The following CRYBB1 variants were observed in gnomAD, a reference collection of about 807,000 sequenced individuals.
CRYBB1 encodes the protein beta-crystallin B1.
Under a neutral mutation model 29.5 loss-of-function variants are expected in CRYBB1, and 16 were observed. That is an observed-to-expected ratio of 0.54 (90% CI 0.37 to 0.82). CRYBB1 has a LOEUF of 0.82. Ranked by LOEUF, CRYBB1 falls within the 40% of genes least tolerant of loss-of-function variation. The pLI, the probability that CRYBB1 is intolerant of heterozygous loss-of-function variation, is 0.00. For missense variants in CRYBB1, 300 were observed against 350.5 expected, an observed-to-expected ratio of 0.86 and a Z score of 1.15; for synonymous variants, 127 against 136.7, an observed-to-expected ratio of 0.93 and a Z score of 0.49.
At chr22:26,617,319 T>C (rs1929389656) in intron 1 of CRYBB1, among the ~76,000 whole-genome samples, 1 of 152,168 alleles carries the variant, frequency 6.6e-6, no homozygotes, top group Non-Finnish European at 1.5e-5. Context: ...TTGGAGACAA[T>C]GTTAAGGGAT....
At chr22:26,600,107 A>C (rs1289368044) in intron 5 of CRYBB1, among the ~76,000 whole-genome samples, 2 of 152,192 alleles carry the variant, frequency 1.3e-5, no homozygotes, top group African/African-American at 4.8e-5. Flanking sequence ...TATTTCAAAA[A>C]ATTGGTTTTC....
intron 1 of CRYBB1, 56 bp downstream of exon 1, chr22:26,617,921 C>A: frequency 6.5e-6 from 1 of 153,654 alleles, no homozygotes; most frequent in Non-Finnish European, 1.5e-5. Flanking sequence ...CTCTCTGTCT[C>A]CCTTTTCTCT....
Position 26,608,317 on chromosome 22 carries a change from CTG to C in CRYBB1, c.300-298_300-297del, listed in dbSNP as rs1451503671. ...AAATGTGTGTGATTATCTGAGCACA[CTG>C]TTTCTCTAGATGTAAGGTTCATACA... On this transcript the variant is annotated intron_variant, in intron 3 of 5. Coordinates refer to ENST00000647684, the MANE Select transcript of CRYBB1 (RefSeq NM_001887.4). Among the ~76,000 whole-genome samples the C allele has an allele frequency of 3.3e-5, 5 of 152,344 alleles. No homozygotes were observed. In the East Asian group the frequency reaches 9.7e-4, roughly 29 times the overall value.
At chr22:26,602,125 C>T in intron 4 of CRYBB1, 104 bp from the exon 5 acceptor site, 3 of 1,457,768 alleles carry the variant, frequency 2.1e-6, no homozygotes, top group East Asian at 2.3e-5. Context: ...TGAGCCTGTT[C>T]AGGCTGCTGG....
At chr22:26,615,433 C>T (rs1475259620) in intron 2 of CRYBB1, among the ~76,000 whole-genome samples, 1 of 152,190 alleles carries the variant, frequency 6.6e-6, no homozygotes, top group African/African-American at 2.4e-5. Context: ...GCCTGATTGC[C>T]AGGTGTCCCT....
At chr22:26,604,549 A>G (rs1310738745) in intron 4 of CRYBB1, among the ~76,000 whole-genome samples, 44 of 152,336 alleles carry the variant, frequency 2.9e-4, no homozygotes, top group Non-Finnish European at 1.2e-4. Flanking sequence ...TTCATGGAAG[A>G]AGTGACACTA....
At chr22:26,601,570 C>T (rs1928819558) in intron 5 of CRYBB1, among the ~76,000 whole-genome samples, 1 of 151,478 alleles carries the variant, frequency 6.6e-6, no homozygotes, top group Admixed American at 6.6e-5. Flanking sequence ...CTCATCTATC[C>T]ACATCAGCGC....
At chr22:26,604,713 G>A (rs1928921002) in intron 4 of CRYBB1, among the ~76,000 whole-genome samples, 1 of 152,228 alleles carries the variant, frequency 6.6e-6, no homozygotes, top group Admixed American at 6.5e-5. Context: ...GAAGGCAAGT[G>A]CAAGGTGCCA....
intron 1 of CRYBB1, among the ~76,000 whole-genome samples, chr22:26,617,727 C>T (rs1233267215): frequency 6.6e-6 from 1 of 152,050 alleles, no homozygotes; most frequent in Non-Finnish European, 1.5e-5. Flanking sequence ...CTATCTCTCC[C>T]TCATTGTATC....
At chr22:26,604,428 G>C (rs1928914366) in intron 4 of CRYBB1, among the ~76,000 whole-genome samples, 1 of 152,262 alleles carries the variant, frequency 6.6e-6, no homozygotes, top group African/African-American at 2.4e-5. Context: ...AGGAGGAAGA[G>C]GAGCCCAGAA....
intron 5 of CRYBB1, among the ~76,000 whole-genome samples, chr22:26,601,182 T>C (rs1417557893): frequency 6.6e-6 from 1 of 152,172 alleles, no homozygotes; most frequent in Non-Finnish European, 1.5e-5. Flanking sequence ...AGACAGAGCC[T>C]TACGTTTACC....
Position 26,607,907 on chromosome 22 carries a change from G to A in CRYBB1, c.414C>T (p.Ser138=), listed in dbSNP as rs1247156510. ...CACTCACCATTTTGATGGGCCGGAA[G>A]GACATGAGCCGATCACTGCGGTAGC... The part of the protein sequence containing the change: ...SSSYRSDRLM[S]FRPIKMDAQE... The change falls in exon 4 of 6, where the codon TCC becomes TCT. Residue 138 remains serine, a synonymous_variant. Coordinates refer to ENST00000647684, the MANE Select transcript of CRYBB1 (RefSeq NM_001887.4). 8.1e-6 allele frequency: 13 copies of A among 1,614,100 alleles called. No homozygotes were observed. The highest frequency in any genetic ancestry group is 1.1e-5 in the Non-Finnish European group (13 of 1,180,050).
intron 4 of CRYBB1, among the ~76,000 whole-genome samples, chr22:26,604,220 G>A (rs1451018777): frequency 2.0e-5 from 3 of 152,228 alleles, no homozygotes; most frequent in Non-Finnish European, 2.9e-5. Flanking sequence ...ACTCCCAGCT[G>A]TGTGGCCTTA....
Position 26,599,297 on chromosome 22 carries a change from C to G in CRYBB1, c.*193G>C. On this transcript the variant is annotated 3_prime_UTR_variant, in exon 6 of 6. Transcript: ENST00000647684. ...AGAAAGAACTTTTCAGTGTTTGCTG[C>G]TTTTATTATCGTTGTAATTATTAAG... 2 of 601,278 alleles carry G rather than the reference C, an allele frequency of 3.3e-6. No individual in the cohort carries two copies. Among genetic ancestry groups the G allele is most frequent in the Non-Finnish European group, 5.9e-6 (2 of 338,740 alleles). The allele number at this position is 601,278 out of a possible 1,614,324, so 37.2% of individuals were successfully genotyped here.
Position 26,599,582 on chromosome 22 carries a change from GGAAGGCTCCCCACT to G in CRYBB1, c.653_666del (p.Glu218AlafsTer12). On this transcript the variant is annotated frameshift_variant, in exon 6 of 6. Coordinates refer to ENST00000647684, the MANE Select transcript of CRYBB1 (RefSeq NM_001887.4). LOFTEE classifies it high-confidence loss of function. ...CGACGCAGGGACTGCATCTGTGGCT[GGAAGGCTCCCCACT>G]CATTCCAGTGCCGGAAGTCACCAGG... 6.2e-7 allele frequency: 1 copy of G among 1,614,202 alleles called. No individual in the cohort carries two copies. The highest frequency in any genetic ancestry group is 8.5e-7 in the Non-Finnish European group (1 of 1,180,018).
Position 26,599,533 on chromosome 22 carries a change from A to C in CRYBB1, c.716T>G (p.Leu239Arg), listed in dbSNP as rs748717226. ...LRRLRDKQWH[L>R]EGSFPVLATE... ...GGCCAGGACAGGGAAGGACCCCTCG[A>C]GGTGCCACTGCTTGTCACGCAGGCG... The change falls in exon 6 of 6, where the codon CTC becomes CGC. Residue 239 changes from leucine (L) to arginine (R), a missense_variant. Transcript: ENST00000647684. 6.2e-7 allele frequency: 1 copy of C among 1,613,880 alleles called. No individual in the cohort carries two copies. The highest frequency in any genetic ancestry group is 8.5e-7 in the Non-Finnish European group (1 of 1,180,042).
At chr22:26,613,413 C>A (rs941785139) in intron 2 of CRYBB1, among the ~76,000 whole-genome samples, 1 of 152,162 alleles carries the variant, frequency 6.6e-6, no homozygotes. Context: ...GTCAGGGACC[C>A]CAAACGGAGG....
intron 5 of CRYBB1, 128 bp downstream of exon 5, chr22:26,601,751 A>T: frequency 6.8e-7 from 1 of 1,467,096 alleles, no homozygotes; most frequent in Non-Finnish European, 9.3e-7. Context: ...AGGAACCAGC[A>T]CTGGGAGACT....
chr22:26,602,645 T>C (rs1329954327), intron 4 of CRYBB1, among the ~76,000 whole-genome samples: 1 of 151,452 alleles, frequency 6.6e-6, no homozygotes, highest in East Asian at 1.9e-4. Flanking sequence ...ACAAAAAGGC[T>C]CAGAGAGGTC....
Sources: gnomAD v4.1 joint callset for allele counts (sites outside exome capture counted in the v4.1 genomes callset) on GRCh38, gnomAD v4.1.1 for gene constraint, MANE v1.5 for transcripts, NCBI Gene and HGNC (gene_info 2026-07-23, HGNC 2026-07-21) for gene names.